Variants in IL1F10 observed in about 807,000 individuals in gnomAD.
The protein encoded by IL1F10 is interleukin 1 family member 10, also known as interleukin-1 family member 10.
In IL1F10, 13 loss-of-function variants were observed where a neutral mutation model predicts 13.1. The ratio of observed to expected loss-of-function variants is 0.99; its 90% confidence interval spans 0.64 to 1.57. The LOEUF (loss-of-function observed/expected upper bound fraction) is 1.57. Among genes scored for constraint, IL1F10 ranks in the 40% most tolerant of loss-of-function variants. The probability of loss-of-function intolerance (pLI) is 0.00; values close to 1 mark genes in which losing one functional copy is unlikely to be tolerated. For missense variants in IL1F10, 191 were observed against 184.1 expected, an observed-to-expected ratio of 1.04 and a Z score of -0.22; for synonymous variants, 78 against 68.2, an observed-to-expected ratio of 1.14 and a Z score of -0.71.
At chr2:113,070,316 G>A (rs1685811145) in intron 1 of IL1F10, among the ~76,000 whole-genome samples, 1 of 152,150 alleles carries the variant, frequency 6.6e-6, no homozygotes, top group Admixed American at 6.5e-5. Context: ...CAGAACCCAG[G>A]CGGAGGGAGC....
In IL1F10 at chr2:113,074,805, C is replaced by A. The variant is rs868101262; in HGVS notation, c.201C>A (p.Cys67Ter). ...TGGGGATCCAGGGAGGGAGCCGCTG[C>A]CTGGCATGTGTGGAGACAGAAGAGG... is the stretch of plus-strand genomic sequence containing the variant. ...IFLGIQGGSR[C>*]LACVETEEGP... Residue 67 changes from cysteine to a stop codon, truncating the protein, a stop_gained, in exon 4 of 5, where the codon TGC becomes TGA. Transcript: ENST00000341010. LOFTEE classifies it high-confidence loss of function. 6.2e-7 allele frequency: 1 copy of A among 1,613,508 alleles called. No homozygotes were observed.
intron 1 of IL1F10, among the ~76,000 whole-genome samples, chr2:113,068,312 G>C (rs72946747): frequency 6.6e-6 from 1 of 151,094 alleles, no homozygotes; most frequent in Non-Finnish European, 1.5e-5. Flanking sequence ...AACCGTGTTT[G>C]GTGGAAGCTT....
In IL1F10 at chr2:113,075,162, T is replaced by C. The variant is rs147026346; in HGVS notation, c.257T>C (p.Ile86Thr). 26 of 1,606,122 alleles carry C rather than the reference T, an allele frequency of 1.6e-5. No individual in the cohort carries two copies. The highest frequency in any genetic ancestry group is 1.2e-4 in the African/African-American group (9 of 74,940). The change falls in exon 5 of 5, where the codon ATT becomes ACT. Residue 86 changes from isoleucine (I) to threonine (T), a missense_variant. By Grantham distance (89) the Ile-to-Thr change is moderately conservative. Transcript: ENST00000341010. ...ACCTTGCCCCCACAGGATGTGAACA[T>C]TGAGGAACTGTACAAAGGTGGTGAA... is the stretch of plus-strand genomic sequence containing the variant. ...GPSLQLEDVN[I>T]EELYKGGEEA...
intron 1 of IL1F10, among the ~76,000 whole-genome samples, chr2:113,071,944 A>G (rs1026784343): frequency 3.9e-5 from 6 of 151,976 alleles, no homozygotes; most frequent in African/African-American, 1.2e-4. Flanking sequence ...GTTTATTTCC[A>G]TGCTAAATTC....
chr2:113,073,793 G>A (rs746403552), intron 2 of IL1F10, among the ~76,000 whole-genome samples: 6 of 152,192 alleles, frequency 3.9e-5, no homozygotes, highest in Non-Finnish European at 8.8e-5. Flanking sequence ...AGCCCTGACA[G>A]CAGCTGACAG....
chr2:113,072,859 T>C lies in IL1F10; in HGVS notation c.32+89T>C, dbSNP rs370806385. On this transcript the variant is annotated intron_variant, in intron 2 of 4. Transcript: ENST00000341010. ...ATGCTGAGTCAGAGGATGAGGCTCC[T>C]TCTCACCTTAGAAATTGCAAGTGCC... 3.9e-5 allele frequency: 45 copies of C among 1,158,386 alleles called. 1 individual carries two copies. The Middle Eastern group carries it at 1.2e-3, about 30-fold the overall frequency. 71.8% of individuals were successfully genotyped at this position (1,158,386 alleles called of 1,614,324 possible). A position where few individuals can be genotyped will look rare whatever the true frequency, so the allele number is the denominator to read the frequency against.
rs545128283 is a variant in IL1F10 at position 113,069,388 on chromosome 2, T to C, written c.-29+1372T>C. ...AGAAAAACCGGGAATACAAGTACAG[T>C]AGTAATGGCAATTAAAAACACAAAG... is the stretch of plus-strand genomic sequence containing the variant. On this transcript the variant is annotated intron_variant, in intron 1 of 4. Coordinates refer to ENST00000341010, the MANE Select transcript of IL1F10 (RefSeq NM_173161.3). Among the ~76,000 whole-genome samples the C allele has an allele frequency of 1.3e-5, 2 of 152,306 alleles. 1 individual carries two copies. Among genetic ancestry groups the C allele is most frequent in the South Asian group, 4.1e-4 (2 of 4,824 alleles).
intron 4 of IL1F10, 67 bp from the exon 5 acceptor site, chr2:113,075,084 CA>C: frequency 6.9e-7 from 1 of 1,444,282 alleles, no homozygotes; most frequent in Non-Finnish European, 9.4e-7. Context: ...GGCCAAGCCC[CA>C]GAGGCCTCCA....
chr2:113,072,030 G>C (rs1042567623), intron 1 of IL1F10, among the ~76,000 whole-genome samples: 1 of 152,172 alleles, frequency 6.6e-6, no homozygotes, highest in African/African-American at 2.4e-5. Flanking sequence ...AAGGAGCAGA[G>C]TCATGTGAGG....
intron 1 of IL1F10, among the ~76,000 whole-genome samples, chr2:113,071,137 T>A (rs28928285): frequency 0.091 from 13,851 of 152,298 alleles, 621 homozygotes; most frequent in Admixed American, 0.13. Context: ...CGAGTAACAT[T>A]TCTATGTATG....
intron 2 of IL1F10, among the ~76,000 whole-genome samples, chr2:113,073,440 T>TGAC (rs1325927413): frequency 1.3e-5 from 2 of 151,984 alleles, no homozygotes; most frequent in African/African-American, 4.8e-5. Context: ...CTCAAGGAGG[T>TGAC]GACAGCCTGG....
At chr2:113,068,341 G>GTTTT (rs11334338) in intron 1 of IL1F10, among the ~76,000 whole-genome samples, 82 of 140,712 alleles carry the variant, frequency 5.8e-4, no homozygotes, top group African/African-American at 1.7e-3. Flanking sequence ...TTTTGTTTTC[G>GTTTT]TTTTTTTTTT....
At chr2:113,070,449 T>G (rs773673146) in intron 1 of IL1F10, among the ~76,000 whole-genome samples, 75 of 152,320 alleles carry the variant, frequency 4.9e-4, no homozygotes, top group Admixed American at 9.2e-4. Context: ...CTCTTTGAGC[T>G]GACACTGACC....
At chr2:113,073,615 C>T (rs1206228809) in intron 2 of IL1F10, among the ~76,000 whole-genome samples, 1 of 152,206 alleles carries the variant, frequency 6.6e-6, no homozygotes, top group East Asian at 1.9e-4. Context: ...ATAACACGCC[C>T]AGGATCTTTC....
In IL1F10 at chr2:113,074,238, A is replaced by C. The variant is rs111381344; in HGVS notation, c.33-91A>C. 2.6e-5 allele frequency: 21 copies of C among 806,042 alleles called. No homozygotes were observed. In the African/African-American group the frequency reaches 2.7e-4, roughly 10 times the overall value. 49.9% of individuals were successfully genotyped at this position (806,042 alleles called of 1,614,324 possible). Reference sequence around the variant, plus strand: ...AGGAGAGAAAATCGCCCAAATGCTCAAGGTGGTGATTCAGAGCATGGAAGT... The same window carrying C: ...AGGAGAGAAAATCGCCCAAATGCTCCAGGTGGTGATTCAGAGCATGGAAGT... On this transcript the variant is annotated intron_variant, in intron 2 of 4. Transcript: ENST00000341010.
intron 1 of IL1F10, among the ~76,000 whole-genome samples, chr2:113,071,455 A>C (rs1685833262): frequency 6.6e-6 from 1 of 152,258 alleles, no homozygotes. Context: ...ATGCAATCAC[A>C]AAGTATACAG....
intron 1 of IL1F10, among the ~76,000 whole-genome samples, chr2:113,070,327 C>T (rs150626964): frequency 7.9e-5 from 12 of 152,216 alleles, no homozygotes; most frequent in Non-Finnish European, 1.6e-4. Flanking sequence ...CGGAGGGAGC[C>T]GAATAGGGGA....
chr2:113,074,426 G>A lies in IL1F10; in HGVS notation c.118+12G>A. 1 of 1,601,224 alleles carries A rather than the reference G, an allele frequency of 6.2e-7. No individual in the cohort carries two copies. Among genetic ancestry groups the A allele is most frequent in the Non-Finnish European group, 8.6e-7 (1 of 1,168,800 alleles). On this transcript the variant is annotated intron_variant, in intron 3 of 4. Coordinates refer to ENST00000341010, the MANE Select transcript of IL1F10 (RefSeq NM_173161.3). ...CAACTGCTGTGCAGGTGAGCTTCTGGGGCCTCCACCCCATGCTCCATCTGC... is the reference window on the plus strand; with the variant it reads ...CAACTGCTGTGCAGGTGAGCTTCTGAGGCCTCCACCCCATGCTCCATCTGC...
At chr2:113,069,054 C>T (rs1015241676) in intron 1 of IL1F10, among the ~76,000 whole-genome samples, 2 of 152,198 alleles carry the variant, frequency 1.3e-5, no homozygotes, top group Non-Finnish European at 2.9e-5. Context: ...TATACTGATA[C>T]TATCTCCAGT....
Sources: gnomAD v4.1 joint callset for allele counts (sites outside exome capture counted in the v4.1 genomes callset) on GRCh38, gnomAD v4.1.1 for gene constraint, MANE v1.5 for transcripts, NCBI Gene and HGNC (gene_info 2026-07-23, HGNC 2026-07-21) for gene names.